The following TAFA2 variants were observed in gnomAD, a reference collection of about 807,000 sequenced individuals.
The protein encoded by TAFA2 is chemokine-like protein TAFA-2.
A neutral mutation model predicts 18.8 loss-of-function variants in TAFA2; 7 were observed. The ratio of observed to expected loss-of-function variants is 0.37; its 90% confidence interval spans 0.21 to 0.70. The LOEUF (loss-of-function observed/expected upper bound fraction) is 0.70. Ranked by LOEUF, TAFA2 falls within the 30% of genes least tolerant of loss-of-function variation. The pLI is 0.53. For synonymous variants in TAFA2, 60 were observed against 54.2 expected, an observed-to-expected ratio of 1.11 and a Z score of -0.47; for missense variants, 122 against 158.1, an observed-to-expected ratio of 0.77 and a Z score of 1.23.
At chr12:62,063,568 A>G (rs1333704443) in intron 1 of TAFA2, among the ~76,000 whole-genome samples, 1 of 152,184 alleles carries the variant, frequency 6.6e-6, no homozygotes, top group East Asian at 1.9e-4. Context: ...AAAGGCAGAT[A>G]CAGAGACACC....
At chr12:62,153,670 A>G (rs2062345796) in intron 1 of TAFA2, among the ~76,000 whole-genome samples, 2 of 149,282 alleles carry the variant, frequency 1.3e-5, no homozygotes, top group South Asian at 4.2e-4. Flanking sequence ...CCTTGTCTCA[A>G]AAAAAAAAAG....
At chr12:61,944,045 T>C (rs1878157191) in intron 1 of TAFA2, among the ~76,000 whole-genome samples, 3 of 130,434 alleles carry the variant, frequency 2.3e-5, no homozygotes, top group Admixed American at 1.5e-4. Flanking sequence ...ATTGACCACA[T>C]ACTTGGAAGT....
intron 1 of TAFA2, among the ~76,000 whole-genome samples, chr12:62,042,645 T>C (rs906481401): frequency 1.3e-5 from 2 of 152,130 alleles, no homozygotes; most frequent in African/African-American, 4.8e-5. Context: ...TTACTTTACC[T>C]TGCCTATCAA....
intron 1 of TAFA2, among the ~76,000 whole-genome samples, chr12:62,206,145 C>A (rs932169201): frequency 6.6e-6 from 1 of 152,172 alleles, no homozygotes; most frequent in African/African-American, 2.4e-5. Flanking sequence ...GCCTCCAACC[C>A]CAGCTGTTTC....
At chr12:61,923,544 T>C (rs1024992899) in intron 1 of TAFA2, among the ~76,000 whole-genome samples, 2 of 152,086 alleles carry the variant, frequency 1.3e-5, no homozygotes, top group Non-Finnish European at 2.9e-5. Flanking sequence ...AGTATCAGCA[T>C]CAACAAAAAG....
At chr12:61,855,398 C>T (rs1592437288) in intron 2 of TAFA2, among the ~76,000 whole-genome samples, 1 of 152,274 alleles carries the variant, frequency 6.6e-6, no homozygotes, top group Non-Finnish European at 1.5e-5. Flanking sequence ...TGACTGTAGC[C>T]ACCCTGTTTC....
intron 1 of TAFA2, among the ~76,000 whole-genome samples, chr12:61,877,191 A>T (rs893574795): frequency 5.9e-5 from 9 of 152,200 alleles, no homozygotes; most frequent in Non-Finnish European, 1.2e-4. Context: ...TTGCTTTCTG[A>T]CTTGCTCTTT....
At chr12:61,765,408 C>G (rs930809581) in intron 2 of TAFA2, among the ~76,000 whole-genome samples, 6 of 151,966 alleles carry the variant, frequency 3.9e-5, no homozygotes, top group African/African-American at 1.2e-4. Flanking sequence ...TATGTTAAGC[C>G]AATGATTTTG....
chr12:61,883,333 C>A (rs148052594), intron 1 of TAFA2, among the ~76,000 whole-genome samples: 1 of 152,194 alleles, frequency 6.6e-6, no homozygotes, highest in Non-Finnish European at 1.5e-5. Context: ...TTATTTACTA[C>A]ACATGTGTCA....
chr12:62,007,504 T>C (rs769748871), intron 1 of TAFA2, among the ~76,000 whole-genome samples: 5 of 152,288 alleles, frequency 3.3e-5, no homozygotes, highest in African/African-American at 4.8e-5. Context: ...TCATAAATAT[T>C]TGATGAATGG....
intron 1 of TAFA2, among the ~76,000 whole-genome samples, chr12:61,994,666 T>G (rs1880123624): frequency 6.6e-6 from 1 of 152,198 alleles, no homozygotes; most frequent in Admixed American, 6.5e-5. Flanking sequence ...CTCCATCTTT[T>G]CAAGTTTAAT....
chr12:61,992,255 A>C (rs1378794756), intron 1 of TAFA2, among the ~76,000 whole-genome samples: 2 of 152,158 alleles, frequency 1.3e-5, no homozygotes, highest in East Asian at 3.9e-4. Flanking sequence ...AATGTTTGAT[A>C]ATTTCTCCCA....
intron 1 of TAFA2, chr12:62,104,654 C>T: frequency 2.2e-6 from 1 of 454,292 alleles, no homozygotes; most frequent in Admixed American, 2.4e-5. Context: ...CAAATCATTA[C>T]ATACATATTT....
chr12:62,037,124 A>G (rs1172599739), intron 1 of TAFA2, among the ~76,000 whole-genome samples: 4 of 152,262 alleles, frequency 2.6e-5, no homozygotes, highest in African/African-American at 9.6e-5. Flanking sequence ...AACATTTTCC[A>G]TAATGACCAG....
At chr12:62,216,873 A>G (rs2062737999) in intron 1 of TAFA2, among the ~76,000 whole-genome samples, 2 of 152,192 alleles carry the variant, frequency 1.3e-5, no homozygotes, top group South Asian at 4.1e-4. Context: ...ATTGGACTAG[A>G]CAAGCAAGAA....
chr12:62,131,698 C>T (rs955651032), intron 1 of TAFA2, among the ~76,000 whole-genome samples: 3 of 151,994 alleles, frequency 2.0e-5, no homozygotes, highest in Non-Finnish European at 2.9e-5. Flanking sequence ...TAGAGAAAAT[C>T]TGTTTCCACT....
At chr12:61,955,633 A>AAATATATT (rs1878657032) in intron 1 of TAFA2, among the ~76,000 whole-genome samples, 13 of 8,776 alleles carry the variant, frequency 1.5e-3, no homozygotes, top group South Asian at 0.012. Context: ...AAAAAAAAAA[A>AAATATATT]TATATATATA....
chr12:62,040,017 T>C (rs1047737857), intron 1 of TAFA2, among the ~76,000 whole-genome samples: 2 of 152,184 alleles, frequency 1.3e-5, no homozygotes, highest in Non-Finnish European at 2.9e-5. Flanking sequence ...TAGATGTTCA[T>C]TTTAATTAAG....
intron 1 of TAFA2, among the ~76,000 whole-genome samples, chr12:62,084,002 C>T (rs1339947255): frequency 1.3e-5 from 2 of 152,102 alleles, no homozygotes; most frequent in Non-Finnish European, 2.9e-5. Flanking sequence ...CATCAATATT[C>T]TCAGGGTGTT....
Sources: allele counts gnomAD v4.1 joint callset (sites outside exome capture counted in the v4.1 genomes callset), GRCh38; gene constraint gnomAD v4.1.1; transcripts MANE v1.5; gene names NCBI Gene and HGNC (gene_info 2026-07-23, HGNC 2026-07-21).